PPFIBP1: variants seen among roughly 807,000 people sequenced by gnomAD.
PPFIBP1 encodes PPFIB scaffold protein 1.
Under a neutral mutation model 137.8 loss-of-function variants are expected in PPFIBP1, and 112 were observed. The ratio of observed to expected loss-of-function variants is 0.81; its 90% CI spans 0.70 to 0.95. The LOEUF (loss-of-function observed/expected upper bound fraction) is 0.95, where lower values mean the gene tolerates loss of function less well. PPFIBP1 is among the 40% of genes least tolerant of loss of function. The pLI, the probability that PPFIBP1 is intolerant of heterozygous loss-of-function variation, is 0.00. For missense variants in PPFIBP1, 1,083 were observed against 1,196.6 expected (o/e 0.91, Z 1.40); for synonymous variants, 378 against 417.3 (o/e 0.91, Z 1.15).
chr12:27,644,663 T>A (rs1035138508), intron 4 of PPFIBP1, among the ~76,000 whole-genome samples: 3 of 152,196 alleles, frequency 2.0e-5, no homozygotes, highest in African/African-American at 7.2e-5. Context: ...TCCAGGCCAC[T>A]CCATCACACT....
chr12:27,642,324 G>C (rs73294062), intron 4 of PPFIBP1, among the ~76,000 whole-genome samples: 1 of 152,296 alleles, frequency 6.6e-6, no homozygotes, highest in African/African-American at 2.4e-5. Flanking sequence ...GATTGAATGC[G>C]GTCAATAAGG....
chr12:27,682,850 T>C, intron 24 of PPFIBP1, 147 bp downstream of exon 24: 5 of 1,345,248 alleles, frequency 3.7e-6, no homozygotes, highest in Non-Finnish European at 5.0e-6. Flanking sequence ...GCAGGCATAT[T>C]TCCCATGAGG....
chr12:27,679,066 G>GA (rs201724064), intron 19 of PPFIBP1, among the ~76,000 whole-genome samples: 20 of 151,630 alleles, frequency 1.3e-4, no homozygotes, highest in Admixed American at 3.3e-4. Context: ...CATGGGGGAA[G>GA]AAAAAAAAGC....
intron 1 of PPFIBP1, among the ~76,000 whole-genome samples, chr12:27,566,169 A>G (rs1312180502): frequency 6.6e-6 from 1 of 152,162 alleles, no homozygotes; most frequent in Non-Finnish European, 1.5e-5. Flanking sequence ...GATAACTTTC[A>G]CATTATTAGT....
intron 27 of PPFIBP1, among the ~76,000 whole-genome samples, chr12:27,690,131 C>T (rs2061441996): frequency 2.0e-5 from 3 of 151,630 alleles, no homozygotes. Context: ...ACAGTTGACC[C>T]TTGAAGAACA....
rs967069483 is a variant in PPFIBP1 at position 27,679,510 on chromosome 12, C to T, written c.1637C>T (p.Ala546Val). The T allele has an allele frequency of 6.2e-7, 1 of 1,613,566 alleles. No individual in the cohort carries two copies. Among genetic ancestry groups the T allele is most frequent in the Non-Finnish European group, 8.5e-7 (1 of 1,179,788 alleles). ...PTLAETEKET[A>V]EHLDLAGASS... ...GTAGCTGAAACAGAAAAAGAGACAG[C>T]AGAGCACCTAGATCTGGCTGGTGCT... Residue 546 changes from alanine to valine, a missense_variant, in exon 20 of 30, where the codon GCA becomes GTA. Coordinates refer to ENST00000228425, the MANE Select transcript of PPFIBP1 (RefSeq NM_003622.4).
chr12:27,597,305 T>C (rs1486292170), intron 2 of PPFIBP1, among the ~76,000 whole-genome samples: 2 of 152,092 alleles, frequency 1.3e-5, no homozygotes, highest in African/African-American at 4.8e-5. Flanking sequence ...GTAGCTGGGA[T>C]TACAGGCGCC....
At chr12:27,655,136 C>T (rs1225342616) in intron 8 of PPFIBP1, 17 of 1,516,716 alleles carry the variant, frequency 1.1e-5, no homozygotes, top group Non-Finnish European at 1.4e-5. Flanking sequence ...CTCTGTCTCT[C>T]TACCAGTCTT....
rs543961093 is a variant in PPFIBP1, at chr12:27,693,141, T to C, written c.*259T>C. On this transcript the variant is annotated 3_prime_UTR_variant, in exon 30 of 30. Coordinates refer to ENST00000228425, the MANE Select transcript of PPFIBP1 (RefSeq NM_003622.4). ...CTGTGATATATTATATTTAAAGTGTTGCATTTAAGATGAGTATTTTACCAG... is the reference window on the plus strand; with the variant it reads ...CTGTGATATATTATATTTAAAGTGTCGCATTTAAGATGAGTATTTTACCAG... The C allele has an allele frequency of 1.5e-4, 55 of 378,304 alleles. No homozygotes were observed. The highest frequency in any genetic ancestry group is 1.8e-4 in the Admixed American group (4 of 22,352). 23.4% of individuals were successfully genotyped at this position (378,304 alleles called of 1,614,324 possible).
intron 4 of PPFIBP1, chr12:27,637,261 T>C (rs1327436362): frequency 1.6e-4 from 25 of 152,172 alleles, no homozygotes; most frequent in Admixed American, 1.4e-3. Context: ...CCTGGCTCAG[T>C]AGTTATATTT....
intron 1 of PPFIBP1, among the ~76,000 whole-genome samples, chr12:27,577,243 AT>A (rs907425438): frequency 6.6e-6 from 1 of 151,168 alleles, no homozygotes; most frequent in Non-Finnish European, 1.5e-5. Flanking sequence ...AAATGTCCTC[AT>A]GAAGGATATC....
intron 16 of PPFIBP1, 114 bp from the exon 17 acceptor site, chr12:27,674,078 G>T: frequency 1.1e-6 from 1 of 935,450 alleles, no homozygotes. Context: ...CTAAGATTTT[G>T]TAGCTTAGAA....
chr12:27,671,548 T>C lies in PPFIBP1; in HGVS notation c.1262+2T>C, dbSNP rs765906792. ...GCCAGAGACTTCATTTGAAGAAAAG[T>C]ATGTCATTTATTAACAGTGCAATAT... On this transcript the variant is annotated splice_donor_variant, in intron 14 of 29. Transcript: ENST00000228425. LOFTEE classifies it high-confidence loss of function. The C allele has an allele frequency of 6.6e-7, 1 of 1,521,596 alleles. No individual in the cohort carries two copies. Among genetic ancestry groups the C allele is most frequent in the Non-Finnish European group, 9.0e-7 (1 of 1,114,256 alleles). 94.3% of individuals were successfully genotyped at this position (1,521,596 alleles called of 1,614,324 possible). A position where few individuals can be genotyped will look rare whatever the true frequency, so the allele number is the denominator to read the frequency against.
intron 2 of PPFIBP1, among the ~76,000 whole-genome samples, chr12:27,595,885 AAATATATAT>A (rs1565837822): frequency 0.024 from 2,770 of 116,224 alleles, 41 homozygotes; most frequent in African/African-American, 0.033. Context: ...AACAACAACA[AAATATATAT>A]ATATATATAT....
At position 27,671,507 on chromosome 12, in the gene PPFIBP1, CAA is replaced by C. The variant is rs759078162; in HGVS notation, c.1225_1226del (p.Lys409ValfsTer4). On this transcript the variant is annotated frameshift_variant, in exon 14 of 30. Coordinates refer to ENST00000228425, the MANE Select transcript of PPFIBP1 (RefSeq NM_003622.4). LOFTEE classifies it high-confidence loss of function. ...GTAAGCATGGAAACTTCTGAAAAAT[CAA>C]AGTTGACTCCTAAGCCAGAGACTTC... The C allele has an allele frequency of 6.2e-7, 1 of 1,600,994 alleles. No homozygotes were observed. The highest frequency in any genetic ancestry group is 2.3e-5 in the East Asian group (1 of 43,864).
Position 27,647,828 on chromosome 12 carries a change from G to T in PPFIBP1, c.457G>T (p.Glu153Ter). ...EHREKVNATE[E>*]MLQQELLSRT... ...CAGAGAGAAGGTGAATGCCACAGAA[G>T]AAATGCTGCAGCAGGTATGTGCAGA... The change falls in exon 6 of 30, where the codon GAA (glutamate) becomes TAA (stop). Residue 153 changes from glutamate to a stop codon, truncating the protein, a stop_gained. Coordinates refer to ENST00000228425, the MANE Select transcript of PPFIBP1 (RefSeq NM_003622.4). LOFTEE classifies it high-confidence loss of function. The T allele has an allele frequency of 6.2e-7, 1 of 1,611,934 alleles. No homozygotes were observed. Among genetic ancestry groups the T allele is most frequent in the Non-Finnish European group, 8.5e-7 (1 of 1,179,148 alleles).
chr12:27,531,798 G>T (rs746761869), intron 1 of PPFIBP1, among the ~76,000 whole-genome samples: 1 of 151,966 alleles, frequency 6.6e-6, no homozygotes, highest in Non-Finnish European at 1.5e-5. Flanking sequence ...CATTTATTCC[G>T]CCTCCTGTCT....
chr12:27,563,846 G>A (rs1367433876), intron 1 of PPFIBP1, among the ~76,000 whole-genome samples: 1 of 150,806 alleles, frequency 6.6e-6, no homozygotes. Context: ...TCAGCACTGG[G>A]CAAGCCAGCC....
intron 1 of PPFIBP1, among the ~76,000 whole-genome samples, chr12:27,529,536 A>G (rs1944167305): frequency 2.0e-5 from 3 of 152,216 alleles, no homozygotes; most frequent in Admixed American, 6.5e-5. Context: ...TCTACTAAAA[A>G]TACAAAAATT....
Sources: gnomAD v4.1 joint callset for allele counts (sites outside exome capture counted in the v4.1 genomes callset) on GRCh38, gnomAD v4.1.1 for gene constraint, MANE v1.5 for transcripts, NCBI Gene and HGNC (gene_info 2026-07-23, HGNC 2026-07-21) for gene names.